The following SMIM36 variants were observed in gnomAD, a reference collection of about 807,000 sequenced individuals.
The protein encoded by SMIM36 is small integral membrane protein 36.
At chr17:55,471,127 C>T (rs1416996974) in intron 3 of SMIM36, among the ~76,000 whole-genome samples, 1 of 152,128 alleles carries the variant, frequency 6.6e-6, no homozygotes, top group African/African-American at 2.4e-5. Context: ...ATCTCTCCTC[C>T]CAGCCTCTTT....
the SMIM36 span, among the ~76,000 whole-genome samples, chr17:55,531,789 T>C: frequency 1.3e-5 from 2 of 152,192 alleles, no homozygotes; most frequent in African/African-American, 4.8e-5. Flanking sequence ...AAGCGGAATG[T>C]AACCATAATA....
chr17:55,490,978 G>A (rs573063555), intron 1 of SMIM36, among the ~76,000 whole-genome samples: 21 of 151,852 alleles, frequency 1.4e-4, no homozygotes, highest in African/African-American at 5.1e-4. Context: ...AATCAGGCTG[G>A]GTGCTGTGGC....
chr17:55,529,807 A>ACAAAC, the SMIM36 span, among the ~76,000 whole-genome samples: 12 of 152,252 alleles, frequency 7.9e-5, no homozygotes, highest in East Asian at 7.7e-4. Context: ...AAACAAACAA[A>ACAAAC]AAACAAAACA....
intron 4 of SMIM36, among the ~76,000 whole-genome samples, chr17:55,461,587 G>A (rs1289227788): frequency 6.6e-6 from 1 of 152,040 alleles, no homozygotes; most frequent in African/African-American, 2.4e-5. Flanking sequence ...GGACAACAGA[G>A]TGAAACCCTG....
chr17:55,472,968 C>T (rs558127116), intron 3 of SMIM36, among the ~76,000 whole-genome samples: 1 of 152,140 alleles, frequency 6.6e-6, no homozygotes, highest in East Asian at 1.9e-4. Context: ...TATTCCAGCC[C>T]CTACTCCAGA....
intron 4 of SMIM36, among the ~76,000 whole-genome samples, chr17:55,459,677 G>A (rs893867192): frequency 1.3e-5 from 2 of 152,142 alleles, no homozygotes; most frequent in African/African-American, 2.4e-5. Flanking sequence ...TACCCCAAAG[G>A]TTTAGCAACA....
Position 55,494,531 on chromosome 17 carries a change from A to G in SMIM36, c.*175-14951T>C, listed in dbSNP as rs1184590715. ...GCCCATTACACATAGACAAACTCCA[A>G]GGTGATATGGTGGAGTGGTGCAGAG... On this transcript the variant is annotated intron_variant, in intron 1 of 4. Coordinates refer to ENST00000636752, the Ensembl canonical transcript of SMIM36. Among the ~76,000 whole-genome samples the G allele has an allele frequency of 3.3e-5, 5 of 152,290 alleles. No homozygotes were observed. In the South Asian group the frequency reaches 6.2e-4, roughly 19 times the overall value.
chr17:55,501,716 C>G (rs138265740), intron 1 of SMIM36, among the ~76,000 whole-genome samples: 1 of 119,900 alleles, frequency 8.3e-6, no homozygotes. Flanking sequence ...TACATACATT[C>G]GGGGAGGAGC....
At chr17:55,491,081 C>A (rs758753945) in intron 1 of SMIM36, among the ~76,000 whole-genome samples, 1 of 151,540 alleles carries the variant, frequency 6.6e-6, no homozygotes, top group Admixed American at 6.6e-5. Flanking sequence ...ATAGTAAGAC[C>A]GCATCTCTAC....
chr17:55,462,786 A>G (rs754043430), intron 4 of SMIM36, among the ~76,000 whole-genome samples: 1 of 152,164 alleles, frequency 6.6e-6, no homozygotes, highest in Non-Finnish European at 1.5e-5. Context: ...AGAATGCACA[A>G]TCTAAAATAG....
chr17:55,454,823 T>C (rs914224859), intron 4 of SMIM36, among the ~76,000 whole-genome samples: 8 of 152,230 alleles, frequency 5.3e-5, no homozygotes, highest in Non-Finnish European at 1.2e-4. Context: ...TCACGATGCA[T>C]CATAAATATT....
the SMIM36 span, among the ~76,000 whole-genome samples, chr17:55,525,878 G>A: frequency 2.0e-5 from 3 of 152,070 alleles, no homozygotes; most frequent in Admixed American, 2.0e-4. Context: ...GACTGGTCTC[G>A]AACTTTTGTG....
intron 1 of SMIM36, among the ~76,000 whole-genome samples, chr17:55,500,486 T>C (rs1195543609): frequency 6.6e-6 from 1 of 151,920 alleles, no homozygotes; most frequent in African/African-American, 2.4e-5. Flanking sequence ...TTGAAAAGAT[T>C]GTTTTAAAGA....
upstream of SMIM36, among the ~76,000 whole-genome samples, chr17:55,514,481 A>G (rs1910233236): frequency 6.6e-6 from 1 of 152,194 alleles, no homozygotes; most frequent in African/African-American, 2.4e-5. Flanking sequence ...TTATCAACCC[A>G]ATTTTTTAAA....
At chr17:55,530,737 C>T in the SMIM36 span, among the ~76,000 whole-genome samples, 36 of 151,938 alleles carry the variant, frequency 2.4e-4, no homozygotes, top group Admixed American at 2.3e-3. Flanking sequence ...GAGCCGAGAT[C>T]GTGCCACTGT....
At chr17:55,452,549 G>A (rs1001941510) in intron 4 of SMIM36, among the ~76,000 whole-genome samples, 4 of 152,154 alleles carry the variant, frequency 2.6e-5, no homozygotes, top group Non-Finnish European at 5.9e-5. Context: ...GAGTTTGACC[G>A]TGAGTCTGGA....
chr17:55,494,984 G>A (rs192211806), intron 1 of SMIM36, among the ~76,000 whole-genome samples: 13 of 152,318 alleles, frequency 8.5e-5, no homozygotes, highest in African/African-American at 2.9e-4. Context: ...TTCAGGCAAT[G>A]TATGCAAAGC....
At chr17:55,471,031 G>A (rs977609249) in intron 3 of SMIM36, among the ~76,000 whole-genome samples, 37 of 151,876 alleles carry the variant, frequency 2.4e-4, no homozygotes, top group African/African-American at 7.5e-4. Context: ...TGCCAAATCC[G>A]TACACCCTCC....
the SMIM36 span, among the ~76,000 whole-genome samples, chr17:55,524,335 A>G: frequency 6.6e-6 from 1 of 152,202 alleles, no homozygotes; most frequent in Non-Finnish European, 1.5e-5. Context: ...GATGGACATT[A>G]GGGTGATTCC....
Sources: allele counts gnomAD v4.1 joint callset (sites outside exome capture counted in the v4.1 genomes callset), GRCh38; gene constraint gnomAD v4.1.1; transcripts MANE v1.5; gene names NCBI Gene and HGNC (gene_info 2026-07-23, HGNC 2026-07-21).